RMDN2: variants seen among roughly 807,000 people sequenced by gnomAD.
RMDN2 encodes the protein regulator of microtubule dynamics 2.
A neutral mutation model predicts 52.8 loss-of-function variants in RMDN2; 61 were observed. The ratio of observed to expected loss-of-function variants is 1.16; its 90% CI spans 0.94 to 1.43. RMDN2 has a LOEUF of 1.43. Ranked by LOEUF, RMDN2 falls within the 40% of genes most tolerant of loss-of-function variation. The pLI, the probability that RMDN2 is intolerant of heterozygous loss-of-function variation, is 0.00. For missense variants in RMDN2, 592 were observed against 475.3 expected (o/e 1.25, Z -2.28); for synonymous variants, 180 against 153.1 (o/e 1.18, Z -1.30).
At chr2:38,007,497 G>A (rs1677281336) in intron 10 of RMDN2, among the ~76,000 whole-genome samples, 2 of 152,206 alleles carry the variant, frequency 1.3e-5, no homozygotes, top group South Asian at 4.1e-4. Flanking sequence ...TTGCGTAGAG[G>A]TGTTTATAGT....
intron 10 of RMDN2, chr2:38,030,512 A>G (rs1680118870): frequency 6.6e-6 from 1 of 152,182 alleles, no homozygotes; most frequent in Non-Finnish European, 1.5e-5. Context: ...ATGACTGATG[A>G]TGTTTATTGC....
intron 1 of RMDN2, among the ~76,000 whole-genome samples, chr2:37,927,335 G>A (rs1362078819): frequency 1.3e-5 from 2 of 152,166 alleles, no homozygotes; most frequent in East Asian, 3.9e-4. Context: ...GGTGATCACT[G>A]GGTAAGTGAC....
chr2:38,013,658 G>A (rs1021966218), intron 10 of RMDN2, among the ~76,000 whole-genome samples: 2 of 152,154 alleles, frequency 1.3e-5, no homozygotes, highest in African/African-American at 4.8e-5. Flanking sequence ...TATCATATTT[G>A]ATTATGATAT....
At chr2:38,051,412 T>C (rs1180768941) in intron 10 of RMDN2, among the ~76,000 whole-genome samples, 2 of 152,212 alleles carry the variant, frequency 1.3e-5, no homozygotes, top group East Asian at 3.8e-4. Flanking sequence ...TTTTATCTAT[T>C]CGTAGTATTT....
intron 10 of RMDN2, among the ~76,000 whole-genome samples, chr2:38,063,600 T>A (rs11674584): frequency 6.6e-6 from 1 of 151,452 alleles, no homozygotes; most frequent in Non-Finnish European, 1.5e-5. Context: ...GAAACTACCA[T>A]CAGAGTGAAC....
At chr2:38,016,500 A>G (rs1199245436) in intron 10 of RMDN2, among the ~76,000 whole-genome samples, 2 of 152,238 alleles carry the variant, frequency 1.3e-5, no homozygotes, top group Admixed American at 6.5e-5. Flanking sequence ...AACACCGTGA[A>G]TTAACACTGG....
intron 5 of RMDN2, among the ~76,000 whole-genome samples, chr2:37,982,815 T>C (rs1673498707): frequency 6.6e-6 from 1 of 152,214 alleles, no homozygotes. Flanking sequence ...CTAGATAATC[T>C]AATTTACATA....
At chr2:37,981,562 T>C (rs1673321853) in intron 5 of RMDN2, among the ~76,000 whole-genome samples, 1 of 152,238 alleles carries the variant, frequency 6.6e-6, no homozygotes, top group African/African-American at 2.4e-5. Context: ...TGAAAAATTA[T>C]TGAATGAATC....
intron 10 of RMDN2, among the ~76,000 whole-genome samples, chr2:38,044,633 G>C (rs1469142247): frequency 6.6e-6 from 1 of 150,832 alleles, no homozygotes; most frequent in East Asian, 1.9e-4. Flanking sequence ...CTGTTGACAT[G>C]TCTTCAAGGT....
intron 10 of RMDN2, chr2:38,026,868 T>G (rs1427214546): frequency 2.0e-5 from 3 of 152,238 alleles, no homozygotes; most frequent in Non-Finnish European, 2.9e-5. Context: ...GAAAAATAAT[T>G]TCTAATTTCC....
intron 2 of RMDN2, among the ~76,000 whole-genome samples, chr2:37,946,173 CAAT>C (rs1422867635): frequency 2.6e-5 from 4 of 152,080 alleles, no homozygotes; most frequent in Non-Finnish European, 5.9e-5. Flanking sequence ...TTATTGGCAA[CAAT>C]TTTTTCTTTC....
At chr2:38,053,893 A>T (rs1011921929) in intron 10 of RMDN2, among the ~76,000 whole-genome samples, 1 of 152,216 alleles carries the variant, frequency 6.6e-6, no homozygotes, top group Non-Finnish European at 1.5e-5. Context: ...TGCAGCCAGC[A>T]CTGAAAACCT....
At chr2:38,042,951 T>A (rs555144450) in intron 10 of RMDN2, among the ~76,000 whole-genome samples, 7 of 152,330 alleles carry the variant, frequency 4.6e-5, no homozygotes, top group Non-Finnish European at 8.8e-5. Flanking sequence ...CCATGTGACC[T>A]AGAGAATAAT....
At chr2:37,926,335 T>A (rs965026589) in intron 1 of RMDN2, among the ~76,000 whole-genome samples, 4 of 152,248 alleles carry the variant, frequency 2.6e-5, no homozygotes, top group Admixed American at 2.0e-4. Context: ...AAATGTTTCT[T>A]CAGACATTTC....
At position 37,974,203 on chromosome 2, in the gene RMDN2, C is replaced by T. The variant is rs550139676; in HGVS notation, c.616C>T (p.His206Tyr). 8 of 1,609,780 alleles carry T rather than the reference C, an allele frequency of 5.0e-6. No homozygotes were observed. The African/African-American group carries it at 9.4e-5, about 19-fold the overall frequency. Residue 206 changes from histidine to tyrosine, a missense_variant, in exon 3 of 11, where the codon CAC becomes TAC. Physicochemically the swap from His to Tyr is moderately conservative, Grantham distance 83 (BLOSUM62 2). Transcript: ENST00000354545. ...GGAGAGTTTTGAACTACTTCGTGAC[C>T]ACAAAGAAAAGGTAAGAGACATAAC... ...KSESFELLRD[H>Y]KEKFRDEIEF...
At chr2:38,009,035 C>T (rs1384288831) in intron 10 of RMDN2, among the ~76,000 whole-genome samples, 1 of 152,206 alleles carries the variant, frequency 6.6e-6, no homozygotes, top group Non-Finnish European at 1.5e-5. Context: ...TATTGGCCCC[C>T]ACTCTCTTCT....
intron 10 of RMDN2, among the ~76,000 whole-genome samples, chr2:38,064,808 C>T (rs372009404): frequency 1.8e-4 from 27 of 152,144 alleles, no homozygotes; most frequent in African/African-American, 6.0e-4. Flanking sequence ...ATGCATCTCT[C>T]TCCCAAGAGG....
chr2:37,949,352 C>T (rs1382099568), intron 2 of RMDN2, among the ~76,000 whole-genome samples: 3 of 152,172 alleles, frequency 2.0e-5, no homozygotes, highest in Admixed American at 2.0e-4. Flanking sequence ...AGTGGTAGAT[C>T]ATCTAAGCTC....
In RMDN2 at chr2:37,976,993, C is replaced by T. The variant is rs576828511; in HGVS notation, c.730+1679C>T. Reference sequence around the variant, plus strand: ...GGTTTTCCTAGGCAGAGGGCCCTGCCGCCTTCTGCAGTGTTTGTGTCCCTG... The same window carrying T: ...GGTTTTCCTAGGCAGAGGGCCCTGCTGCCTTCTGCAGTGTTTGTGTCCCTG... On this transcript the variant is annotated intron_variant, in intron 4 of 10. Coordinates refer to ENST00000354545, the MANE Select transcript of RMDN2 (RefSeq NM_001170791.3). Among the ~76,000 whole-genome samples the T allele has an allele frequency of 4.9e-4, 75 of 152,118 alleles. 1 individual carries two copies. In the South Asian group the frequency reaches 0.014, roughly 28 times the overall value.
Sources: allele counts gnomAD v4.1 joint callset (sites outside exome capture counted in the v4.1 genomes callset), GRCh38; gene constraint gnomAD v4.1.1; transcripts MANE v1.5; gene names NCBI Gene and HGNC (gene_info 2026-07-23, HGNC 2026-07-21).